The following DPP6 variants were observed in gnomAD, a reference collection of about 807,000 sequenced individuals.
DPP6 encodes the protein A-type potassium channel modulatory protein DPP6.
Under a neutral mutation model 122.6 loss-of-function variants are expected in DPP6, and 69 were observed. That is an observed-to-expected ratio of 0.56 (90% CI 0.46 to 0.69). The LOEUF is 0.69. DPP6 is among the 30% of genes least tolerant of loss of function. The pLI is 0.00. For missense variants in DPP6, 928 were observed against 1,116.9 expected (o/e 0.83, Z 2.41); for synonymous variants, 418 against 433.1 (o/e 0.97, Z 0.43).
intron 1 of DPP6, among the ~76,000 whole-genome samples, chr7:154,021,822 G>C (rs71534055): frequency 2.6e-5 from 4 of 152,314 alleles, no homozygotes; most frequent in South Asian, 4.1e-4. Context: ...ATTTATCAAA[G>C]AGATTGGATG....
At chr7:154,368,788 AGAAC>A (rs1812399173) in intron 1 of DPP6, among the ~76,000 whole-genome samples, 1 of 152,386 alleles carries the variant, frequency 6.6e-6, no homozygotes, top group Non-Finnish European at 1.5e-5. Context: ...GTTAGTAACA[AGAAC>A]AGTTTTTATA....
chr7:154,000,748 G>A (rs576216734), intron 1 of DPP6, among the ~76,000 whole-genome samples: 2 of 152,084 alleles, frequency 1.3e-5, no homozygotes, highest in South Asian at 2.1e-4. Context: ...TCTTCTTCGC[G>A]TATTCATCTG....
At chr7:153,974,500 A>G (rs1160510358) in intron 1 of DPP6, among the ~76,000 whole-genome samples, 2 of 152,084 alleles carry the variant, frequency 1.3e-5, no homozygotes, top group Admixed American at 6.5e-5. Context: ...CGAATCATAA[A>G]TGTATGGGAA....
intron 19 of DPP6, among the ~76,000 whole-genome samples, chr7:154,874,333 G>T (rs1804670415): frequency 6.6e-6 from 1 of 152,194 alleles, no homozygotes; most frequent in Non-Finnish European, 1.5e-5. Flanking sequence ...GGTAAAAGTG[G>T]TCGTGCCCGG....
chr7:154,359,943 C>T (rs1300926716), intron 1 of DPP6, among the ~76,000 whole-genome samples: 2 of 152,168 alleles, frequency 1.3e-5, no homozygotes, highest in Non-Finnish European at 2.9e-5. Flanking sequence ...CAAGAACGAT[C>T]TCCTTGGGCA....
At chr7:154,517,767 G>A (rs542979019) in intron 3 of DPP6, among the ~76,000 whole-genome samples, 1 of 152,214 alleles carries the variant, frequency 6.6e-6, no homozygotes, top group African/African-American at 2.4e-5. Context: ...GTTGTGTCCG[G>A]AAAGCAAAAG....
At chr7:154,202,010 T>G (rs1370140422) in intron 1 of DPP6, among the ~76,000 whole-genome samples, 1 of 152,196 alleles carries the variant, frequency 6.6e-6, no homozygotes, top group African/African-American at 2.4e-5. Context: ...AATTAGGACC[T>G]TTTTCACCCA....
chr7:154,615,586 A>C (rs1834189708), intron 5 of DPP6, among the ~76,000 whole-genome samples: 1 of 152,186 alleles, frequency 6.6e-6, no homozygotes, highest in Admixed American at 6.5e-5. Context: ...ACGTTGTATA[A>C]CCATCACCAC....
intron 1 of DPP6, among the ~76,000 whole-genome samples, chr7:154,164,254 C>T (rs1490397087): frequency 3.0e-5 from 4 of 133,036 alleles, no homozygotes; most frequent in Non-Finnish European, 6.4e-5. Flanking sequence ...TCGCCTCCTT[C>T]TCTTTCCCTC....
intron 1 of DPP6, among the ~76,000 whole-genome samples, chr7:154,384,434 G>A (rs1311025789): frequency 6.6e-6 from 1 of 152,156 alleles, no homozygotes; most frequent in Admixed American, 6.5e-5. Context: ...AAAAGGATGT[G>A]GGGAGTGGAA....
At chr7:153,886,291 A>C (rs1203197960), upstream of DPP6, among the ~76,000 whole-genome samples, 1 of 152,166 alleles carries the variant, frequency 6.6e-6, no homozygotes, top group Admixed American at 6.5e-5. Flanking sequence ...GCGTTTGTGA[A>C]TGGATGATTG....
intron 5 of DPP6, 79 bp from the exon 6 acceptor site, chr7:154,637,742 G>C (rs1438041932): frequency 2.1e-6 from 3 of 1,435,922 alleles, no homozygotes; most frequent in Admixed American, 4.5e-5. Context: ...TGTTTGTTAG[G>C]ATTCACAGTG....
At chr7:153,864,300 T>C in the DPP6 span, among the ~76,000 whole-genome samples, 3 of 152,212 alleles carry the variant, frequency 2.0e-5, no homozygotes, top group Non-Finnish European at 4.4e-5. Context: ...TGGCAACTCA[T>C]TGTGGCTTTG....
intron 6 of DPP6, among the ~76,000 whole-genome samples, chr7:154,661,679 C>G (rs11972586): frequency 7.3e-6 from 1 of 137,238 alleles, no homozygotes. Context: ...CATATTGGCG[C>G]TAGTATTCAT....
intron 1 of DPP6, among the ~76,000 whole-genome samples, chr7:154,118,780 A>G (rs1807195231): frequency 6.8e-6 from 1 of 146,882 alleles, no homozygotes; most frequent in South Asian, 2.3e-4. Context: ...TGCTTTCCAG[A>G]CAAATCTCAC....
intron 16 of DPP6, among the ~76,000 whole-genome samples, chr7:154,851,211 A>G (rs565363813): frequency 6.6e-6 from 1 of 151,102 alleles, no homozygotes; most frequent in African/African-American, 2.4e-5. Context: ...TATTGTATGG[A>G]TGAGACAAAA....
intron 1 of DPP6, among the ~76,000 whole-genome samples, chr7:153,957,425 C>T (rs75835279): frequency 0.14 from 21,609 of 152,164 alleles, 1,579 homozygotes; most frequent in African/African-American, 0.16. Context: ...GAGCCTTCTC[C>T]GGCCTCTCAG....
Position 154,624,976 on chromosome 7 carries a change from C to T in DPP6, c.628-12845C>T, listed in dbSNP as rs529039518. 1.3e-4 allele frequency among the ~76,000 whole-genome samples: 20 copies of T among 152,302 alleles called. No homozygotes were observed. The highest frequency in any genetic ancestry group is 4.1e-4 in the African/African-American group (17 of 41,568). On this transcript the variant is annotated intron_variant, in intron 5 of 25. Transcript: ENST00000377770. The surrounding 1 kb of genome is among the most constrained non-coding windows in gnomAD (Gnocchi z 4.7). ...GACACCACCATAAACTGTGACATCA[C>T]CATCACCCGGACACCAGTGGGATTT...
At chr7:154,287,674 C>A (rs1418719820) in intron 1 of DPP6, among the ~76,000 whole-genome samples, 2 of 152,186 alleles carry the variant, frequency 1.3e-5, no homozygotes, top group African/African-American at 4.8e-5. Context: ...TGGAGACGAC[C>A]AGCTCGGCCA....
Sources: allele counts gnomAD v4.1 joint callset (sites outside exome capture counted in the v4.1 genomes callset), GRCh38; gene constraint gnomAD v4.1.1; non-coding constraint Gnocchi (gnomAD v3.1); transcripts MANE v1.5; gene names NCBI Gene and HGNC (gene_info 2026-07-23, HGNC 2026-07-21).